Variants in MID2 observed in about 807,000 individuals in gnomAD.
MID2 encodes the protein midline 2, also known as probable E3 ubiquitin-protein ligase MID2.
In MID2, 13 loss-of-function variants were observed where a neutral mutation model predicts 46.1. The ratio of observed to expected loss-of-function variants is 0.28; its 90% CI spans 0.18 to 0.45. The LOEUF (loss-of-function observed/expected upper bound fraction) is 0.45, where lower values mean the gene tolerates loss of function less well. MID2 is among the 20% of genes least tolerant of loss of function. The probability of loss-of-function intolerance (pLI) is 1.00; values close to 1 mark genes in which losing one functional copy is unlikely to be tolerated. For synonymous variants in MID2, 199 were observed against 212.3 expected (o/e 0.94, Z 0.55); for missense variants, 431 against 575.4 (o/e 0.75, Z 2.57).
intron 2 of MID2, among the ~76,000 whole-genome samples, chrX:107,844,567 G>A (rs1022050358): frequency 8.1e-5 from 9 of 110,722 alleles, no homozygotes; most frequent in East Asian, 2.8e-4. Context: ...TGTTGTTATC[G>A]TTTTAATAAA....
chrX:107,861,270 A>G (rs950537727), intron 3 of MID2, among the ~76,000 whole-genome samples: 4 of 111,929 alleles, frequency 3.6e-5, no homozygotes, highest in Non-Finnish European at 5.6e-5. Flanking sequence ...AGAAGGTTCT[A>G]CGCAAATATG....
chrX:107,925,838 T>C (rs1933163260), intron 8 of MID2, among the ~76,000 whole-genome samples: 1 of 110,451 alleles, frequency 9.1e-6, no homozygotes, highest in Non-Finnish European at 1.9e-5. Flanking sequence ...GAGATCCACA[T>C]TTTTTCCCAC....
At chrX:107,924,568 C>T (rs1426862775) in intron 8 of MID2, 64 bp downstream of exon 8, 1 of 1,095,378 alleles carries the variant, frequency 9.1e-7, no homozygotes, top group Non-Finnish European at 1.3e-6. Context: ...GAGTACACAG[C>T]CTGAGCAGGC....
chrX:107,890,887 G>A lies in MID2; in HGVS notation c.817-13071G>A, dbSNP rs182773133. Among the ~76,000 whole-genome samples, 4 of 110,205 alleles carry A rather than the reference G, an allele frequency of 3.6e-5. No homozygotes were observed. The East Asian group carries it at 8.6e-4, about 24-fold the overall frequency. ...TCAGAGTGCTGTGCTAGCAATTAGC[G>A]AGGCTCTGTGGGATTAGGTCCCTCT... On this transcript the variant is annotated intron_variant, in intron 3 of 9. Coordinates refer to ENST00000262843, the MANE Select transcript of MID2 (RefSeq NM_012216.4).
At chrX:107,906,806 G>A (rs60560473) in intron 5 of MID2, among the ~76,000 whole-genome samples, 107 of 111,894 alleles carry the variant, frequency 9.6e-4, no homozygotes, top group African/African-American at 2.8e-3. Flanking sequence ...GGCTGGTTTC[G>A]AATTCCTGGC....
chrX:107,925,218 A>G (rs1389550028), intron 8 of MID2, among the ~76,000 whole-genome samples: 2 of 112,243 alleles, frequency 1.8e-5, no homozygotes, highest in African/African-American at 6.5e-5. Flanking sequence ...ATCTGCTTCC[A>G]TGTTCTTAGC....
chrX:107,852,535 T>C (rs752770818), intron 2 of MID2, among the ~76,000 whole-genome samples: 4 of 111,222 alleles, frequency 3.6e-5, no homozygotes, highest in Non-Finnish European at 7.5e-5. Flanking sequence ...AGGGGAGACA[T>C]TGTGCCCCAA....
rs772244484 is a variant in MID2, at chrX:107,928,609, G to A, written c.*1536G>A. 1.1e-4 allele frequency among the ~76,000 whole-genome samples: 12 copies of A among 111,562 alleles called. 1 individual carries two copies. Among genetic ancestry groups the A allele is most frequent in the Middle Eastern group, 4.6e-3 (1 of 217 alleles). ...TCCCCTCTTCCTTTCCCCTAGTTTG[G>A]TGGATGCTCATTTATTAATTCATTC... On this transcript the variant is annotated 3_prime_UTR_variant, in exon 10 of 10. Coordinates refer to ENST00000262843, the MANE Select transcript of MID2 (RefSeq NM_012216.4).
At chrX:107,922,756 C>A (rs1933095158) in intron 7 of MID2, among the ~76,000 whole-genome samples, 1 of 111,825 alleles carries the variant, frequency 8.9e-6, no homozygotes, top group Non-Finnish European at 1.9e-5. Context: ...TTGCTTTTTT[C>A]AATTGACAAT....
rs376117865 is a variant in MID2, at chrX:107,841,302, T to C, written c.637T>C (p.Leu213=). ...VNMYCVSDDQ[L]ICALCKLVGR... is the part of the protein sequence containing the mutation. ...CATGTACTGTGTATCTGATGACCAA[T>C]TGATCTGTGCCTTATGCAAACTGGT... The change falls in exon 2 of 10, where the codon TTG becomes CTG. Residue 213 remains leucine (L), a synonymous_variant. Coordinates refer to ENST00000262843, the MANE Select transcript of MID2 (RefSeq NM_012216.4). 3.3e-5 allele frequency: 40 copies of C among 1,209,345 alleles called. No individual in the cohort carries two copies. The highest frequency in any genetic ancestry group is 5.3e-5 in the African/African-American group (3 of 56,955).
chrX:107,841,446 C>A, intron 2 of MID2, 61 bp downstream of exon 2: 1 of 892,723 alleles, frequency 1.1e-6, no homozygotes, highest in South Asian at 2.5e-5. Flanking sequence ...TTAGCAAGTT[C>A]TCTAATAAAA....
At chrX:107,921,292 G>A (rs1342459621) in intron 7 of MID2, among the ~76,000 whole-genome samples, 1 of 110,725 alleles carries the variant, frequency 9.0e-6, no homozygotes, top group African/African-American at 3.3e-5. Flanking sequence ...ATTATATTTA[G>A]CAGTACAGTT....
At chrX:107,867,285 G>A (rs1247704180) in intron 3 of MID2, among the ~76,000 whole-genome samples, 3 of 110,369 alleles carry the variant, frequency 2.7e-5, no homozygotes, top group Non-Finnish European at 3.8e-5. Context: ...CAAGTAGCTG[G>A]GATTACAGGC....
At chrX:107,910,692 C>T (rs928162545) in intron 5 of MID2, among the ~76,000 whole-genome samples, 3 of 100,255 alleles carry the variant, frequency 3.0e-5, no homozygotes, top group African/African-American at 1.1e-4. Context: ...ATAGCCATTA[C>T]GATCTAGAAG....
intron 8 of MID2, among the ~76,000 whole-genome samples, chrX:107,925,114 A>C (rs1244351993): frequency 8.9e-6 from 1 of 112,208 alleles, no homozygotes; most frequent in South Asian, 3.7e-4. Context: ...GATAGGAAAG[A>C]GGAAAGAGTT....
chrX:107,838,699 T>C lies in MID2; in HGVS notation c.5-1971T>C, dbSNP rs1031353420. 5.3e-5 allele frequency among the ~76,000 whole-genome samples: 6 copies of C among 112,617 alleles called. 1 individual carries two copies. The highest frequency in any genetic ancestry group is 9.4e-5 in the Non-Finnish European group (5 of 53,360). On this transcript the variant is annotated intron_variant, in intron 1 of 9. Transcript: ENST00000262843. ...AAAGTATAATTGTACTCAGTACTTATGTATCCTGTGACAATATCTGAACAA... is the reference window on the plus strand; with the variant it reads ...AAAGTATAATTGTACTCAGTACTTACGTATCCTGTGACAATATCTGAACAA...
chrX:107,881,314 G>A (rs904640177), intron 3 of MID2, among the ~76,000 whole-genome samples: 4 of 112,616 alleles, frequency 3.6e-5, no homozygotes, highest in East Asian at 2.8e-4. Context: ...AAATAAGACT[G>A]TTGAACTTTT....
intron 6 of MID2, among the ~76,000 whole-genome samples, chrX:107,917,051 G>A (rs1218626673): frequency 8.9e-6 from 1 of 111,959 alleles, no homozygotes; most frequent in African/African-American, 3.3e-5. Context: ...TGATGCAGGA[G>A]AATCACTTGA....
intron 3 of MID2, among the ~76,000 whole-genome samples, chrX:107,882,891 C>T (rs1179998961): frequency 3.6e-5 from 4 of 111,942 alleles, no homozygotes; most frequent in South Asian, 3.8e-4. Context: ...ACTATAAAGA[C>T]GCATGCACAC....
Sources: allele counts gnomAD v4.1 joint callset (sites outside exome capture counted in the v4.1 genomes callset), GRCh38; gene constraint gnomAD v4.1.1; transcripts MANE v1.5; gene names NCBI Gene and HGNC (gene_info 2026-07-23, HGNC 2026-07-21).